NRP1: variants seen among roughly 807,000 people sequenced by gnomAD.
The protein encoded by NRP1 is neuropilin 1.
In NRP1, 35 loss-of-function variants were observed where a neutral mutation model predicts 106.7. The observed-to-expected ratio is 0.33, with a 90% confidence interval of 0.25 to 0.43. The LOEUF is 0.43. Ranked by LOEUF, NRP1 falls within the 20% of genes least tolerant of loss-of-function variation. NRP1 has a pLI of 1.00. For missense variants in NRP1, 1,024 were observed against 1,170.4 expected, an observed-to-expected ratio of 0.87 and a Z score of 1.83; for synonymous variants, 437 against 417.9, an observed-to-expected ratio of 1.05 and a Z score of -0.56.
rs372960352 is a variant in NRP1 at position 33,202,528 on chromosome 10, C to A, written c.1864+363G>T. The A allele has an allele frequency of 9.5e-5, 123 of 1,294,886 alleles. 1 individual carries two copies. The East Asian group carries it at 2.3e-3, about 24-fold the overall frequency. 80.2% of individuals were successfully genotyped at this position (1,294,886 alleles called of 1,614,324 possible). A position where few individuals can be genotyped will look rare whatever the true frequency, so the allele number is the denominator to read the frequency against. On this transcript the variant is annotated intron_variant, in intron 11 of 16. Transcript: ENST00000374867. ...TCATTAGAAAATGAAAATAAACATT[C>A]TGAAGTGTGTGGTTACGTAGGGGTG...
chr10:33,260,323 G>A (rs923147473), intron 4 of NRP1, among the ~76,000 whole-genome samples: 1 of 151,984 alleles, frequency 6.6e-6, no homozygotes, highest in Non-Finnish European at 1.5e-5. Flanking sequence ...CTTTTCCCCA[G>A]AAAAAATCTG....
chr10:33,285,819 C>T (rs561315006), intron 2 of NRP1, among the ~76,000 whole-genome samples: 7 of 147,480 alleles, frequency 4.7e-5, no homozygotes, highest in East Asian at 2.0e-4. Flanking sequence ...GGGGAGGGAG[C>T]GAGACTCCAT....
intron 2 of NRP1, among the ~76,000 whole-genome samples, chr10:33,303,462 G>A (rs564815267): frequency 1.3e-5 from 2 of 152,268 alleles, no homozygotes; most frequent in East Asian, 1.9e-4. Flanking sequence ...GGATTATAGC[G>A]TAGTTCTTCG....
At chr10:33,207,485 A>G (rs1837879629) in intron 10 of NRP1, 87 bp downstream of exon 10, 9 of 1,483,996 alleles carry the variant, frequency 6.1e-6, no homozygotes, top group East Asian at 2.3e-5. Flanking sequence ...AAGGGTAGGC[A>G]ATTTGCAAAG....
intron 6 of NRP1, among the ~76,000 whole-genome samples, chr10:33,236,402 A>G (rs1391748291): frequency 6.6e-6 from 1 of 152,388 alleles, no homozygotes; most frequent in East Asian, 1.9e-4. Flanking sequence ...CACGTACTAC[A>G]TAGAGGGCAT....
rs1048804 is a variant in NRP1, at chr10:33,180,253, A to G, written c.2595T>C (p.Ser865=). The G allele has an allele frequency of 0.27, 428,457 of 1,613,702 alleles. 65,212 individuals are homozygous for G. Among genetic ancestry groups the G allele is most frequent in the East Asian group, 0.65 (29,311 of 44,848 alleles). The change falls in exon 17 of 17, where the codon AGT becomes AGC. Residue 865 remains serine (S), a synonymous_variant. Coordinates refer to ENST00000374867, the MANE Select transcript of NRP1 (RefSeq NM_003873.7). ...DPILITIIAM[S]ALGVLLGAVC... is the part of the protein sequence containing the mutation. ...CAGCCCCCAGGAGGACCCCCAGGGCACTCATGGCTATGATGGTGATGAGGA... is the reference window on the plus strand; with the variant it reads ...CAGCCCCCAGGAGGACCCCCAGGGCGCTCATGGCTATGATGGTGATGAGGA...
At chr10:33,231,533 A>AT (rs1355234677) in intron 6 of NRP1, among the ~76,000 whole-genome samples, 1 of 152,050 alleles carries the variant, frequency 6.6e-6, no homozygotes, top group African/African-American at 2.4e-5. Flanking sequence ...TAGTGCCACT[A>AT]TTTTTTCTAC....
intron 6 of NRP1, among the ~76,000 whole-genome samples, chr10:33,250,447 C>T (rs1841772855): frequency 6.6e-6 from 1 of 152,132 alleles, no homozygotes; most frequent in Non-Finnish European, 1.5e-5. Flanking sequence ...GTGACTTTCA[C>T]CTTTCAGAGG....
At chr10:33,182,839 A>ACACACC in intron 15 of NRP1, 91 bp from the exon 16 acceptor site, 1 of 728,408 alleles carries the variant, frequency 1.4e-6, no homozygotes, top group Non-Finnish European at 2.4e-6. Context: ...ACATGCACAC[A>ACACACC]CACACACACA....
At chr10:33,203,464 G>A (rs1462723630) in intron 10 of NRP1, among the ~76,000 whole-genome samples, 1 of 151,932 alleles carries the variant, frequency 6.6e-6, no homozygotes, top group Non-Finnish European at 1.5e-5. Flanking sequence ...TCCCCAAAGG[G>A]AGTCAACGTT....
chr10:33,237,485 GCGCA>G (rs1840655516), intron 6 of NRP1, among the ~76,000 whole-genome samples: 1 of 130,094 alleles, frequency 7.7e-6, no homozygotes. Context: ...ACACATGCGC[GCGCA>G]CACACACACA....
intron 2 of NRP1, among the ~76,000 whole-genome samples, chr10:33,280,539 A>T (rs1172848763): frequency 6.6e-6 from 1 of 152,234 alleles, no homozygotes; most frequent in East Asian, 1.9e-4. Flanking sequence ...GGAAAAAAAA[A>T]TACAATTACT....
chr10:33,266,398 A>C (rs1842918748), intron 3 of NRP1, among the ~76,000 whole-genome samples: 2 of 152,242 alleles, frequency 1.3e-5, no homozygotes, highest in Non-Finnish European at 2.9e-5. Context: ...TGGCCTCTCA[A>C]CATTTCTGGT....
At chr10:33,191,315 C>G (rs148878748) in intron 13 of NRP1, among the ~76,000 whole-genome samples, 1 of 152,136 alleles carries the variant, frequency 6.6e-6, no homozygotes, top group African/African-American at 2.4e-5. Context: ...GAAAGTAAGG[C>G]AGGAGGTGGT....
At position 33,263,778 on chromosome 10, in the gene NRP1, T is replaced by C. The variant is rs779720457; in HGVS notation, c.526A>G (p.Ile176Val). The C allele has an allele frequency of 6.2e-6, 10 of 1,613,454 alleles. No homozygotes were observed. Among genetic ancestry groups the C allele is most frequent in the Non-Finnish European group, 7.6e-6 (9 of 1,179,560 alleles). Reference sequence around the variant, plus strand: ...TCTGACATCTTTGGCACAAAGACAATATAAGTGCATTCAAGGCTGTTGGGA... The same window carrying C: ...TCTGACATCTTTGGCACAAAGACAACATAAGTGCATTCAAGGCTGTTGGGA... ...KYPNSLECTYIVFVPKMSEII... is the reference protein window; with the variant it reads ...KYPNSLECTYVVFVPKMSEII... Residue 176 changes from isoleucine (I) to valine (V), a missense_variant, in exon 4 of 17, where the codon ATT becomes GTT. Coordinates refer to ENST00000374867, the MANE Select transcript of NRP1 (RefSeq NM_003873.7).
At position 33,316,959 on chromosome 10, in the gene NRP1, AAGAG is replaced by A. The variant is rs368135204; in HGVS notation, c.248+13745_248+13748del. ...TTTCAATACCTTGACAGTAATAAGA[AAGAG>A]AGAGAGAGTGTGAGACAGAGTGTGA... is the stretch of plus-strand genomic sequence containing the variant. On this transcript the variant is annotated intron_variant, in intron 2 of 16. Coordinates refer to ENST00000374867, the MANE Select transcript of NRP1 (RefSeq NM_003873.7). Among the ~76,000 whole-genome samples the A allele has an allele frequency of 2.5e-3, 383 of 152,290 alleles. 1 individual carries two copies. The highest frequency in any genetic ancestry group is 8.3e-3 in the African/African-American group (344 of 41,550).
intron 2 of NRP1, among the ~76,000 whole-genome samples, chr10:33,307,667 A>C (rs1846266824): frequency 6.6e-6 from 1 of 152,178 alleles, no homozygotes; most frequent in Non-Finnish European, 1.5e-5. Flanking sequence ...GAAATCCCTA[A>C]GCATACATCA....
At chr10:33,273,797 C>G (rs1843485593) in intron 2 of NRP1, among the ~76,000 whole-genome samples, 3 of 152,112 alleles carry the variant, frequency 2.0e-5, no homozygotes, top group African/African-American at 7.2e-5. Context: ...GTCTGGGTCC[C>G]TGCTCTGGAA....
In NRP1 at chr10:33,197,681, C is replaced by G; in HGVS notation, c.1893G>C (p.Lys631Asn). The change falls in exon 12 of 17, where the codon AAG (lysine) becomes AAC (asparagine). Residue 631 changes from lysine to asparagine, a missense_variant. Physicochemically the swap from Lys to Asn is moderately conservative, Grantham distance 94. This residue lies in a region of NRP1 where 562 missense variants were observed against 620.3 expected (regional missense o/e 0.91). Transcript: ENST00000374867. The stretch of plus-strand genomic sequence containing the variant: ...GTATGGTGCTGTCTATGACCGTGGG[C>G]TTTTCTGTGGCCAGCACAGTGGTGC... ...TGGTTVLATE[K>N]PTVIDSTIQS... 6.2e-7 allele frequency: 1 copy of G among 1,605,492 alleles called. No individual in the cohort carries two copies. The highest frequency in any genetic ancestry group is 8.5e-7 in the Non-Finnish European group (1 of 1,175,762).
Sources: allele counts gnomAD v4.1 joint callset (sites outside exome capture counted in the v4.1 genomes callset), GRCh38; gene constraint gnomAD v4.1.1; regional missense constraint gnomAD v4.1.1; transcripts MANE v1.5; gene names NCBI Gene and HGNC (gene_info 2026-07-23, HGNC 2026-07-21).